Variants in USP20 observed in about 807,000 individuals in gnomAD.
USP20 encodes the protein ubiquitin specific peptidase 20.
USP20 carries 80 observed loss-of-function variants against 124.2 expected under a neutral mutation model. The ratio of observed to expected loss-of-function variants is 0.64; its 90% CI spans 0.54 to 0.78. The LOEUF is 0.78. Ranked by LOEUF, USP20 falls within the 30% of genes least tolerant of loss-of-function variation. USP20 has a pLI of 0.00. For synonymous variants in USP20, 481 were observed against 512.3 expected, an observed-to-expected ratio of 0.94 and a Z score of 0.83; for missense variants, 1,043 against 1,244.4, an observed-to-expected ratio of 0.84 and a Z score of 2.44.
chr9:129,852,736 C>T lies in USP20; in HGVS notation c.81+100C>T, dbSNP rs1204085975. The T allele has an allele frequency of 5.0e-6, 6 of 1,194,488 alleles. 1 individual carries two copies. The South Asian group carries it at 5.5e-5, about 11-fold the overall frequency. The allele number at this position is 1,194,488 out of a possible 1,614,324, so 74.0% of individuals were successfully genotyped here. A position where few individuals can be genotyped will look rare whatever the true frequency, so the allele number is the denominator to read the frequency against. On this transcript the variant is annotated intron_variant, in intron 3 of 25. Transcript: ENST00000372429. The stretch of plus-strand genomic sequence containing the variant: ...AGCAGTGGAAAAACTGGTTCCCTGA[C>T]AGTCTCTGCTCAGCTTTCTGTGTAA...
chr9:129,851,552 G>A (rs1006079785), intron 2 of USP20, among the ~76,000 whole-genome samples: 25 of 152,286 alleles, frequency 1.6e-4, no homozygotes, highest in Admixed American at 5.2e-4. Context: ...TTTAACACAC[G>A]TGTAGATCCA....
intron 19 of USP20, 76 bp downstream of exon 19, chr9:129,875,031 T>C (rs574510304): frequency 6.4e-7 from 1 of 1,561,226 alleles, no homozygotes; most frequent in African/African-American, 1.4e-5. Flanking sequence ...TCTGGGTGTG[T>C]GTAGGGGACA....
At chr9:129,866,230 AC>A (rs1464989408) in intron 10 of USP20, among the ~76,000 whole-genome samples, 1 of 124,026 alleles carries the variant, frequency 8.1e-6, no homozygotes, top group Non-Finnish European at 1.8e-5. Context: ...TCCGCCCTCT[AC>A]CCCCTGCCTG....
intron 9 of USP20, 124 bp from the exon 10 acceptor site, chr9:129,865,179 C>T (rs183637879): frequency 4.2e-4 from 403 of 953,340 alleles, no homozygotes; most frequent in Admixed American, 1.6e-3. Flanking sequence ...GCTGAGTAGG[C>T]CCCTCCCCAA....
chr9:129,851,258 C>CTTTTTTTTTTT (rs35791819), intron 2 of USP20, among the ~76,000 whole-genome samples: 2 of 126,210 alleles, frequency 1.6e-5, no homozygotes, highest in Non-Finnish European at 3.3e-5. Flanking sequence ...ATAACACATA[C>CTTTTTTTTTTT]TTTTTTTTTT....
At chr9:129,864,112 A>AC (rs1049923925) in intron 9 of USP20, among the ~76,000 whole-genome samples, 28 of 151,392 alleles carry the variant, frequency 1.8e-4, no homozygotes, top group Middle Eastern at 3.4e-3. Flanking sequence ...CTCAAAAAAA[A>AC]AAAAACAAAA....
At chr9:129,851,231 T>C (rs749080162) in intron 2 of USP20, among the ~76,000 whole-genome samples, 1 of 151,972 alleles carries the variant, frequency 6.6e-6, no homozygotes, top group Non-Finnish European at 1.5e-5. Flanking sequence ...TTCACCCAGT[T>C]TCCCCTAATG....
chr9:129,838,029 C>A (rs1327729807), intron 1 of USP20, among the ~76,000 whole-genome samples: 1 of 150,354 alleles, frequency 6.7e-6, no homozygotes, highest in East Asian at 1.9e-4. Flanking sequence ...AGAAGCCATG[C>A]ACGTTGACAA....
At chr9:129,866,189 T>C (rs1007216604) in intron 10 of USP20, among the ~76,000 whole-genome samples, 10 of 145,336 alleles carry the variant, frequency 6.9e-5, no homozygotes, top group African/African-American at 2.5e-4. Context: ...ATGAGCACCA[T>C]GGACGGAGTG....
intron 14 of USP20, 40 bp from the exon 15 acceptor site, chr9:129,870,413 A>G (rs1458736590): frequency 6.2e-7 from 1 of 1,602,806 alleles, no homozygotes; most frequent in Non-Finnish European, 8.5e-7. Context: ...GTTCTTGCCC[A>G]GGCCCTGGCA....
chr9:129,836,091 C>G (rs1473730053), intron 1 of USP20, among the ~76,000 whole-genome samples: 1 of 152,196 alleles, frequency 6.6e-6, no homozygotes, highest in Non-Finnish European at 1.5e-5. Context: ...TTCGGCAGGT[C>G]TGTCGCTCTA....
intron 15 of USP20, among the ~76,000 whole-genome samples, chr9:129,871,949 C>G (rs1188768314): frequency 6.6e-6 from 1 of 152,068 alleles, no homozygotes; most frequent in Non-Finnish European, 1.5e-5. Flanking sequence ...CTCCTGACCT[C>G]AGGTGATCCG....
intron 1 of USP20, among the ~76,000 whole-genome samples, chr9:129,849,494 C>T (rs1057422827): frequency 2.0e-5 from 3 of 152,220 alleles, no homozygotes; most frequent in Middle Eastern, 3.2e-3. Flanking sequence ...CACAGTGGCT[C>T]ACGCCTATAA....
intron 15 of USP20, among the ~76,000 whole-genome samples, chr9:129,870,821 T>C (rs2131088985): frequency 6.6e-6 from 1 of 152,392 alleles, no homozygotes; most frequent in East Asian, 1.9e-4. Flanking sequence ...TGTATGTTAA[T>C]TTTTCATTTC....
At chr9:129,876,940 C>A (rs79978697) in intron 22 of USP20, among the ~76,000 whole-genome samples, 1,955 of 152,206 alleles carry the variant, frequency 0.013, 20 homozygotes, top group Middle Eastern at 0.027. Flanking sequence ...AGAGATTGCC[C>A]AGGGTCCCCT....
In USP20 at chr9:129,851,898, G is replaced by T. The variant is rs540355215; in HGVS notation, c.-16-642G>T. ...AGACTGCTTTCTAGGTTGTTCTCCT[G>T]CCTTTCTCTCTGACTTTCTCCCTGC... On this transcript the variant is annotated intron_variant, in intron 2 of 25. Coordinates refer to ENST00000372429, the MANE Select transcript of USP20 (RefSeq NM_001110303.4). Among the ~76,000 whole-genome samples, 6 of 152,014 alleles carry T rather than the reference G, an allele frequency of 3.9e-5. No individual in the cohort carries two copies. The South Asian group carries it at 1.0e-3, about 26-fold the overall frequency.
chr9:129,858,468 CA>C lies in USP20; in HGVS notation c.206del (p.Lys69SerfsTer4). 6.2e-7 allele frequency: 1 copy of C among 1,614,024 alleles called. No homozygotes were observed. Among genetic ancestry groups the C allele is most frequent in the Non-Finnish European group, 8.5e-7 (1 of 1,179,976 alleles). ...FADHSTIHAQ[A>X]KKHNLTVNLT... ...CTTGTTTTGGATATCACCCTCTAGG[CA>C]AAAAAGCACAACTTGACCGTGAACC... On this transcript the variant is annotated frameshift_variant and splice_region_variant, in exon 6 of 26. Transcript: ENST00000372429. LOFTEE classifies it high-confidence loss of function.
In USP20 at chr9:129,880,274, T is replaced by C. The variant is rs1564227474; in HGVS notation, c.*1T>C. On this transcript the variant is annotated 3_prime_UTR_variant, in exon 25 of 26. Transcript: ENST00000372429. Reference sequence around the variant, plus strand: ...CGAAGCCGAGACGCGGGCCGTGTGATCTGCTGGGCTAGTCTGTAAGTCGCC... The same window carrying C: ...CGAAGCCGAGACGCGGGCCGTGTGACCTGCTGGGCTAGTCTGTAAGTCGCC... 6.3e-7 allele frequency: 1 copy of C among 1,590,156 alleles called. No homozygotes were observed. The highest frequency in any genetic ancestry group is 8.5e-7 in the Non-Finnish European group (1 of 1,170,520).
chr9:129,876,688 C>G (rs2034425738), intron 22 of USP20, among the ~76,000 whole-genome samples: 1 of 150,428 alleles, frequency 6.6e-6, no homozygotes, highest in Admixed American at 6.6e-5. Context: ...CTGCGGGGAA[C>G]TAGATGGCCA....
Sources: allele counts gnomAD v4.1 joint callset (sites outside exome capture counted in the v4.1 genomes callset), GRCh38; gene constraint gnomAD v4.1.1; transcripts MANE v1.5; gene names NCBI Gene and HGNC (gene_info 2026-07-23, HGNC 2026-07-21).